ARAP2: variants seen among roughly 807,000 people sequenced by gnomAD.
ARAP2 encodes ArfGAP with RhoGAP domain, ankyrin repeat and PH domain 2, also known as arf-GAP with Rho-GAP domain, ANK repeat and PH domain-containing protein 2.
A neutral mutation model predicts 194.5 loss-of-function variants in ARAP2; 148 were observed. The observed-to-expected ratio is 0.76, with a 90% CI of 0.67 to 0.87. ARAP2 has a LOEUF of 0.87. ARAP2 is among the 40% of genes least tolerant of loss of function. ARAP2 has a pLI of 0.00. For synonymous variants in ARAP2, 695 were observed against 683.5 expected (o/e 1.02, Z -0.26); for missense variants, 2,128 against 1,989.7 (o/e 1.07, Z -1.32).
At position 36,210,486 on chromosome 4, in the gene ARAP2, G is replaced by A. The variant is rs760092589; in HGVS notation, c.1391C>T (p.Ala464Val). The stretch of plus-strand genomic sequence containing the variant: ...GGGAGATATTGCCTGTGAAGAAACG[G>A]CTGATGAATCAGCATTTCCACTTGT... ...SSTSGNADSSAVSSQAISPYA... is the reference protein window; with the variant it reads ...SSTSGNADSSVVSSQAISPYA... Residue 464 changes from alanine (A) to valine (V), a missense_variant, in exon 6 of 33, where the codon GCC (alanine) becomes GTC (valine). Transcript: ENST00000303965. 1.9e-6 allele frequency: 3 copies of A among 1,613,804 alleles called. No individual in the cohort carries two copies. The highest frequency in any genetic ancestry group is 2.5e-6 in the Non-Finnish European group (3 of 1,179,866).
At chr4:36,058,745 C>G (rs1331284682) in intron 1 of ARAP2, among the ~76,000 whole-genome samples, 1 of 152,138 alleles carries the variant, frequency 6.6e-6, no homozygotes, top group East Asian at 1.9e-4. Flanking sequence ...TCTAGGAATA[C>G]AGTGGTTAAT....
intron 6 of ARAP2, among the ~76,000 whole-genome samples, chr4:36,196,012 C>G (rs1743016327): frequency 6.6e-6 from 1 of 152,120 alleles, no homozygotes; most frequent in Non-Finnish European, 1.5e-5. Flanking sequence ...GGTGGGATAA[C>G]AGACAAATAA....
Position 36,133,271 on chromosome 4 carries a change from C to A in ARAP2, c.3382G>T (p.Val1128Phe), listed in dbSNP as rs756759709. The change falls in exon 20 of 33, where the codon GTT becomes TTT. Residue 1128 changes from valine to phenylalanine, a missense_variant. Val to Phe is a conservative substitution (Grantham distance 50). Transcript: ENST00000303965. Reference protein sequence around the residue: ...LQDQQLSKNDVPIIVNSCIAF... With the variant: ...LQDQQLSKNDFPIIVNSCIAF... ...ATACAGCTGTTCACTATAATGGGAACGTCATTTTTGCTGAGCTGCTGATCT... is the reference window on the plus strand; with the variant it reads ...ATACAGCTGTTCACTATAATGGGAAAGTCATTTTTGCTGAGCTGCTGATCT... The A allele has an allele frequency of 1.1e-5, 18 of 1,611,056 alleles. No homozygotes were observed. In the East Asian group the frequency reaches 2.9e-4, roughly 26 times the overall value.
At chr4:36,135,147 TA>T (rs1378092940) in intron 19 of ARAP2, among the ~76,000 whole-genome samples, 1 of 151,728 alleles carries the variant, frequency 6.6e-6, no homozygotes, top group Non-Finnish European at 1.5e-5. Context: ...TACACCAAAG[TA>T]AAACGATATA....
intron 27 of ARAP2, among the ~76,000 whole-genome samples, chr4:36,095,116 G>A (rs1487487735): frequency 6.6e-6 from 1 of 152,066 alleles, no homozygotes; most frequent in East Asian, 1.9e-4. Context: ...GAAAACTCTG[G>A]CTTATGTCAG....
chr4:36,195,453 T>C (rs1331995886), intron 6 of ARAP2, among the ~76,000 whole-genome samples: 1 of 152,238 alleles, frequency 6.6e-6, no homozygotes, highest in Non-Finnish European at 1.5e-5. Flanking sequence ...CATTTCATTT[T>C]ATCTCTTCCA....
At chr4:36,131,309 T>C (rs1054747058) in intron 20 of ARAP2, among the ~76,000 whole-genome samples, 2 of 150,810 alleles carry the variant, frequency 1.3e-5, no homozygotes, top group African/African-American at 4.9e-5. Context: ...ATACTTTCAG[T>C]AGATATATAA....
intron 5 of ARAP2, among the ~76,000 whole-genome samples, chr4:36,042,429 T>C (rs1314572989): frequency 6.6e-6 from 1 of 152,208 alleles, no homozygotes; most frequent in Non-Finnish European, 1.5e-5. Context: ...AACAGTTCAA[T>C]TATAAAATGC....
intron 15 of ARAP2, among the ~76,000 whole-genome samples, chr4:36,156,595 C>T (rs1310271011): frequency 1.3e-5 from 2 of 152,016 alleles, no homozygotes; most frequent in Non-Finnish European, 2.9e-5. Flanking sequence ...TACAGAAAGA[C>T]AATTAAGGAA....
rs1734925116 is a variant in ARAP2, at chr4:36,164,928, C to G, written c.2159G>C (p.Cys720Ser). 2 of 1,613,926 alleles carry G rather than the reference C, an allele frequency of 1.2e-6. No homozygotes were observed. Among genetic ancestry groups the G allele is most frequent in the Admixed American group, 1.7e-5 (1 of 60,008 alleles). The change falls in exon 11 of 33, where the codon TGT becomes TCT. Residue 720 changes from cysteine to serine, a missense_variant. Cys to Ser is a moderately radical substitution (Grantham distance 112, BLOSUM62 -1). Coordinates refer to ENST00000303965, the MANE Select transcript of ARAP2 (RefSeq NM_015230.4). The stretch of plus-strand genomic sequence containing the variant: ...TCACTAATTACCTGCACACTTCTTA[C>G]AGATGACAACACAGAGATTGATGGA... ...WASINLCVVI[C>S]KKCAGQHRSL...
chr4:36,163,846 A>C (rs1734658789), intron 11 of ARAP2, among the ~76,000 whole-genome samples: 1 of 152,214 alleles, frequency 6.6e-6, no homozygotes, highest in South Asian at 2.1e-4. Context: ...GGATGGGATA[A>C]AATTCAAAGT....
intron 32 of ARAP2, among the ~76,000 whole-genome samples, chr4:36,072,889 A>C (rs1487678702): frequency 1.3e-5 from 2 of 152,176 alleles, no homozygotes; most frequent in African/African-American, 2.4e-5. Flanking sequence ...AAAAGCTTAA[A>C]AATCTGATCA....
At chr4:36,095,029 C>G (rs992898174) in intron 27 of ARAP2, among the ~76,000 whole-genome samples, 2 of 152,118 alleles carry the variant, frequency 1.3e-5, no homozygotes, top group African/African-American at 4.8e-5. Context: ...TGTATAAAGA[C>G]ATGTCAGATT....
At chr4:36,192,164 TTC>T (rs1274636029) in intron 7 of ARAP2, among the ~76,000 whole-genome samples, 4 of 121,622 alleles carry the variant, frequency 3.3e-5, no homozygotes, top group Non-Finnish European at 6.8e-5. Flanking sequence ...AATCCAGTGT[TTC>T]TGTTTTTTTT....
At chr4:36,097,618 G>GA (rs1217128619) in intron 27 of ARAP2, among the ~76,000 whole-genome samples, 1 of 152,048 alleles carries the variant, frequency 6.6e-6, no homozygotes, top group Non-Finnish European at 1.5e-5. Flanking sequence ...TGCTAGTAGG[G>GA]AAAACCATCT....
chr4:36,031,411 A>T (rs532309723), intron 5 of ARAP2, among the ~76,000 whole-genome samples: 2 of 150,614 alleles, frequency 1.3e-5, no homozygotes, highest in African/African-American at 2.4e-5. Flanking sequence ...GAATTCACTC[A>T]CTCCTCTTTT....
intron 7 of ARAP2, among the ~76,000 whole-genome samples, chr4:36,192,618 A>G (rs986740546): frequency 6.6e-6 from 1 of 152,214 alleles, no homozygotes; most frequent in Non-Finnish European, 1.5e-5. Flanking sequence ...AGCTATAGAG[A>G]CTACCTTCTA....
At chr4:36,064,475 G>A (rs556018209), downstream of ARAP2, among the ~76,000 whole-genome samples, 4 of 152,340 alleles carry the variant, frequency 2.6e-5, no homozygotes, top group African/African-American at 7.2e-5. Flanking sequence ...GTCCCTGCAG[G>A]TAGTGAATGG....
chr4:36,007,493 T>C (rs530955022), intron 9 of ARAP2, among the ~76,000 whole-genome samples: 42 of 152,174 alleles, frequency 2.8e-4, no homozygotes, highest in Non-Finnish European at 5.1e-4. Flanking sequence ...TACCAGAAAT[T>C]GGAAGAGGCA....
Sources: gnomAD v4.1 joint callset for allele counts (sites outside exome capture counted in the v4.1 genomes callset) on GRCh38, gnomAD v4.1.1 for gene constraint, MANE v1.5 for transcripts, NCBI Gene and HGNC (gene_info 2026-07-23, HGNC 2026-07-21) for gene names.